Variants in TRPM7 observed in about 807,000 individuals in gnomAD.
The protein encoded by TRPM7 is LTRPC ion channel family member 7.
In TRPM7, 134 loss-of-function variants were observed where a neutral mutation model predicts 229.7. The observed-to-expected ratio is 0.58, with a 90% CI of 0.51 to 0.67. TRPM7 has a LOEUF of 0.67. Ranked by LOEUF, TRPM7 falls within the 30% of genes least tolerant of loss-of-function variation. The pLI is 0.00. For missense variants in TRPM7, 1,901 were observed against 2,210.0 expected (o/e 0.86, Z 2.80); for synonymous variants, 699 against 715.2 (o/e 0.98, Z 0.36).
intron 5 of TRPM7, among the ~76,000 whole-genome samples, chr15:50,641,146 G>A (rs779050986): frequency 7.9e-5 from 12 of 151,972 alleles, no homozygotes; most frequent in East Asian, 1.9e-4. Context: ...AACATCATCC[G>A]AGTGATCTTT....
chr15:50,597,611 A>T (rs1238027901), intron 22 of TRPM7, among the ~76,000 whole-genome samples: 1 of 152,200 alleles, frequency 6.6e-6, no homozygotes, highest in Non-Finnish European at 1.5e-5. Flanking sequence ...GAGTCATATC[A>T]TTAGAAAAAT....
At chr15:50,654,008 C>G (rs2061492397) in intron 3 of TRPM7, among the ~76,000 whole-genome samples, 1 of 152,092 alleles carries the variant, frequency 6.6e-6, no homozygotes, top group Admixed American at 6.6e-5. Flanking sequence ...GGACTAAGTT[C>G]AAAATAGAAG....
rs532733429 is a variant in TRPM7, at chr15:50,559,967, C to A, written c.*1711G>T. 6.9e-6 allele frequency: 1 copy of A among 143,938 alleles called. No individual in the cohort carries two copies. The highest frequency in any genetic ancestry group is 7.4e-5 in the Admixed American group (1 of 13,464). 8.9% of individuals were successfully genotyped at this position (143,938 alleles called of 1,614,324 possible). The stretch of plus-strand genomic sequence containing the variant: ...GGCGGCGGTTGTGGTGAGCTGAGAT[C>A]GCACCACTGCACTCCAGCCCAAGCA... On this transcript the variant is annotated 3_prime_UTR_variant, in exon 39 of 39. Transcript: ENST00000646667.
At chr15:50,573,690 A>G (rs947711255) in intron 36 of TRPM7, among the ~76,000 whole-genome samples, 3 of 152,226 alleles carry the variant, frequency 2.0e-5, no homozygotes, top group Non-Finnish European at 4.4e-5. Context: ...CTTTTGAAAT[A>G]CTAGACTGCA....
chr15:50,665,886 G>A (rs558679378), intron 1 of TRPM7, among the ~76,000 whole-genome samples: 1 of 152,078 alleles, frequency 6.6e-6, no homozygotes, highest in Non-Finnish European at 1.5e-5. Context: ...CCAGCTACTC[G>A]AGAGACTGAG....
intron 3 of TRPM7, among the ~76,000 whole-genome samples, chr15:50,650,192 CAAAAAAAAAAAAAAAAA>C (rs59579538): frequency 2.9e-4 from 18 of 62,302 alleles, no homozygotes; most frequent in African/African-American, 6.5e-4. Context: ...GACTTTGTCT[CAAAAAAAAAAAAAAAAA>C]AAAAAAAAAA....
intron 31 of TRPM7, 96 bp from the exon 32 acceptor site, chr15:50,576,015 A>G: frequency 1.6e-6 from 2 of 1,280,276 alleles, no homozygotes; most frequent in Non-Finnish European, 2.2e-6. Flanking sequence ...TTGAATTTCC[A>G]TAGTGTAACT....
chr15:50,597,422 T>C (rs546916876), intron 22 of TRPM7, among the ~76,000 whole-genome samples: 4 of 152,244 alleles, frequency 2.6e-5, no homozygotes, highest in Non-Finnish European at 5.9e-5. Flanking sequence ...TTCATACGGT[T>C]CTATGATTCC....
rs2053181638 is a variant in TRPM7 at position 50,557,578 on chromosome 15, A to C, written c.*4100T>G. The stretch of plus-strand genomic sequence containing the variant: ...ATACAATCAACATGTATTACTTGTA[A>C]AATAATAGCATACATATATCGACAG... On this transcript the variant is annotated 3_prime_UTR_variant, in exon 39 of 39. Transcript: ENST00000646667. 2 of 152,236 alleles carry C rather than the reference A, an allele frequency of 1.3e-5. No individual in the cohort carries two copies. 9.4% of individuals were successfully genotyped at this position (152,236 alleles called of 1,614,324 possible).
At chr15:50,579,342 C>A (rs560650299) in intron 30 of TRPM7, among the ~76,000 whole-genome samples, 2 of 152,328 alleles carry the variant, frequency 1.3e-5, no homozygotes, top group South Asian at 2.1e-4. Flanking sequence ...CCAGAAAGGA[C>A]CTTGGGAGTA....
chr15:50,666,514 GAA>G (rs2061885310), intron 1 of TRPM7, among the ~76,000 whole-genome samples: 2 of 151,734 alleles, frequency 1.3e-5, no homozygotes, highest in East Asian at 3.9e-4. Context: ...AGAGGAAAAA[GAA>G]AAAGAGGCCG....
intron 11 of TRPM7, among the ~76,000 whole-genome samples, chr15:50,626,172 A>G (rs1368535151): frequency 6.6e-6 from 1 of 152,054 alleles, no homozygotes; most frequent in Non-Finnish European, 1.5e-5. Flanking sequence ...TGTGTTTTAT[A>G]TTGCCACTCT....
chr15:50,600,884 G>A (rs1378850182), intron 21 of TRPM7, among the ~76,000 whole-genome samples: 3 of 152,146 alleles, frequency 2.0e-5, no homozygotes, highest in African/African-American at 7.2e-5. Context: ...TAAATTAAGA[G>A]CTGGCTCTCT....
intron 12 of TRPM7, among the ~76,000 whole-genome samples, chr15:50,622,646 G>A (rs1275423339): frequency 1.6e-4 from 24 of 152,202 alleles, no homozygotes; most frequent in Non-Finnish European, 2.9e-5. Context: ...AGAACTTTGG[G>A]AGGCTGAGGC....
rs199686585 is a variant in TRPM7 at position 50,655,437 on chromosome 15, GA to G, written c.122+2343del. Among the ~76,000 whole-genome samples, 21 of 89,416 alleles carry G rather than the reference GA, an allele frequency of 2.3e-4. 1 individual carries two copies. Among genetic ancestry groups the G allele is most frequent in the Middle Eastern group, 6.7e-3 (1 of 150 alleles). The allele number at this position is 89,416 out of a possible 152,430, so 58.7% of individuals were successfully genotyped here. On this transcript the variant is annotated intron_variant, in intron 3 of 38. Coordinates refer to ENST00000646667, the MANE Select transcript of TRPM7 (RefSeq NM_017672.6). ...AACAGACCAAGACTCCATCTCAAAG[GA>G]AAAAAAAAACAAAAAAACAAAAAAC...
chr15:50,571,659 T>C (rs1566938094), intron 36 of TRPM7, among the ~76,000 whole-genome samples: 2 of 152,110 alleles, frequency 1.3e-5, no homozygotes, highest in Non-Finnish European at 2.9e-5. Context: ...GAAAAAAGTC[T>C]CCGTTTGTGT....
chr15:50,649,961 G>A (rs529730295), intron 3 of TRPM7, among the ~76,000 whole-genome samples: 3 of 152,042 alleles, frequency 2.0e-5, no homozygotes, highest in Admixed American at 1.3e-4. Flanking sequence ...TTGGGAGGCC[G>A]AGACGGGCAG....
In TRPM7 at chr15:50,575,089, T is replaced by C. The variant is rs200089789; in HGVS notation, c.4782A>G (p.Ile1594Met). ...VYRLEESSPN[I>M]LNNSMSSWSQ... is the part of the protein sequence containing the mutation. ...ACCAAGAAGACATGCTGTTATTTAG[T>C]ATGTTGGGTGAACTCTCTTCCAAAC... Residue 1594 changes from isoleucine to methionine, a missense_variant, in exon 34 of 39, where the codon ATA (isoleucine) becomes ATG (methionine). Ile to Met is a conservative substitution (Grantham distance 10). Coordinates refer to ENST00000646667, the MANE Select transcript of TRPM7 (RefSeq NM_017672.6). 4 of 1,613,922 alleles carry C rather than the reference T, an allele frequency of 2.5e-6. No individual in the cohort carries two copies. Among genetic ancestry groups the C allele is most frequent in the East Asian group, 4.5e-5 (2 of 44,870 alleles).
At chr15:50,585,202 C>T (rs1052477348) in intron 28 of TRPM7, among the ~76,000 whole-genome samples, 4 of 152,098 alleles carry the variant, frequency 2.6e-5, no homozygotes. Flanking sequence ...GCTGGGACTA[C>T]AGGCGCCCGC....
Sources: allele counts gnomAD v4.1 joint callset (sites outside exome capture counted in the v4.1 genomes callset), GRCh38; gene constraint gnomAD v4.1.1; transcripts MANE v1.5; gene names NCBI Gene and HGNC (gene_info 2026-07-23, HGNC 2026-07-21).